WAPL: variants seen among roughly 807,000 people sequenced by gnomAD.
The protein encoded by WAPL is wings apart-like protein homolog.
A neutral mutation model predicts 121.0 loss-of-function variants in WAPL; 5 were observed. The ratio of observed to expected loss-of-function variants is 0.04; its 90% CI spans 0.02 to 0.09. The LOEUF is 0.09. WAPL is among the 10% of genes least tolerant of loss of function. The probability of loss-of-function intolerance (pLI) is 1.00; values close to 1 mark genes in which losing one functional copy is unlikely to be tolerated. For synonymous variants in WAPL, 480 were observed against 481.5 expected (o/e 1.00, Z 0.04); for missense variants, 999 against 1,410.8 (o/e 0.71, Z 4.68).
At chr10:86,468,821 C>A (rs1841462084) in intron 8 of WAPL, among the ~76,000 whole-genome samples, 1 of 151,934 alleles carries the variant, frequency 6.6e-6, no homozygotes. Flanking sequence ...AAAAATTAGG[C>A]CGGGCGCAGT....
intron 4 of WAPL, among the ~76,000 whole-genome samples, chr10:86,496,609 T>C (rs1842155125): frequency 6.6e-6 from 1 of 152,184 alleles, no homozygotes; most frequent in Non-Finnish European, 1.5e-5. Context: ...TGTGTGTATG[T>C]CTCACACACA....
intron 2 of WAPL, among the ~76,000 whole-genome samples, chr10:86,513,093 T>G (rs1842495585): frequency 6.6e-6 from 1 of 152,012 alleles, no homozygotes; most frequent in African/African-American, 2.4e-5. Context: ...GTTGCCCAAG[T>G]TGGAGTGCAG....
In WAPL at chr10:86,497,233, TTTCCTTTGATTTATC is replaced by T; in HGVS notation, c.1597_1611del (p.Asp533_Glu537del). 1 of 1,613,262 alleles carries T rather than the reference TTTCCTTTGATTTATC, an allele frequency of 6.2e-7. No individual in the cohort carries two copies. Among genetic ancestry groups the T allele is most frequent in the Non-Finnish European group, 8.5e-7 (1 of 1,179,774 alleles). On this transcript the variant is annotated inframe_deletion, in exon 4 of 19. Coordinates refer to ENST00000298767, the MANE Select transcript of WAPL (RefSeq NM_015045.5). Reference sequence around the variant, plus strand: ...GGGCCACTAAAAATCTTTCTGGTATTTTCCTTTGATTTATCTCCTTGTTTATTTATGGGCTTCTTC... The same window carrying T: ...GGGCCACTAAAAATCTTTCTGGTATTTCCTTGTTTATTTATGGGCTTCTTC...
intron 14 of WAPL, among the ~76,000 whole-genome samples, chr10:86,452,895 C>A (rs1841024079): frequency 6.6e-6 from 1 of 151,384 alleles, no homozygotes; most frequent in Admixed American, 6.6e-5. Flanking sequence ...CAAAAATTAG[C>A]CAGGCGTGGT....
intron 8 of WAPL, 95 bp downstream of exon 8, chr10:86,470,897 T>G: frequency 1.1e-6 from 1 of 950,270 alleles, no homozygotes; most frequent in Non-Finnish European, 1.5e-6. Flanking sequence ...AATTAGGATA[T>G]ATTTATAGAA....
chr10:86,469,718 G>C (rs1329739608), intron 8 of WAPL, among the ~76,000 whole-genome samples: 1 of 152,064 alleles, frequency 6.6e-6, no homozygotes, highest in Non-Finnish European at 1.5e-5. Flanking sequence ...TTTAAACTTT[G>C]AGCCCCCAGA....
chr10:86,507,060 A>AT (rs1842365959), intron 2 of WAPL, among the ~76,000 whole-genome samples: 1 of 149,492 alleles, frequency 6.7e-6, no homozygotes, highest in Admixed American at 6.6e-5. Flanking sequence ...GTAAGGAAAG[A>AT]TTTAAAAAAA....
Position 86,443,371 on chromosome 10 carries a change from A to G in WAPL, c.3323-8T>C. On this transcript the variant is annotated splice_polypyrimidine_tract_variant and splice_region_variant and intron_variant, in intron 16 of 18. Transcript: ENST00000298767. ...TGCCGGCATGCTGAAGGGCTGAGAGAATTGAAGTAAAGAATTGTAACAGTA... is the reference window on the plus strand; with the variant it reads ...TGCCGGCATGCTGAAGGGCTGAGAGGATTGAAGTAAAGAATTGTAACAGTA... The G allele has an allele frequency of 1.9e-6, 3 of 1,613,372 alleles. No homozygotes were observed. Among genetic ancestry groups the G allele is most frequent in the Non-Finnish European group, 2.5e-6 (3 of 1,179,454 alleles).
At chr10:86,453,380 T>C (rs201859792) in intron 13 of WAPL, 45 bp from the exon 14 acceptor site, 50 of 1,567,834 alleles carry the variant, frequency 3.2e-5, no homozygotes, top group Non-Finnish European at 4.4e-5. Context: ...TGATTCTTCC[T>C]TAGAACACTA....
At chr10:86,520,363 G>A (rs1842650901) in intron 1 of WAPL, among the ~76,000 whole-genome samples, 1 of 152,170 alleles carries the variant, frequency 6.6e-6, no homozygotes, top group Non-Finnish European at 1.5e-5. Context: ...AATACATAGT[G>A]AAATACTGAT....
intron 14 of WAPL, among the ~76,000 whole-genome samples, chr10:86,452,378 G>A (rs1841004043): frequency 6.6e-6 from 1 of 151,736 alleles, no homozygotes; most frequent in Admixed American, 6.6e-5. Context: ...GATCACTTGA[G>A]GCCAGGAGCT....
chr10:86,445,676 C>T (rs554516499), intron 16 of WAPL, among the ~76,000 whole-genome samples: 75 of 152,190 alleles, frequency 4.9e-4, no homozygotes, highest in African/African-American at 1.7e-3. Flanking sequence ...AGGCTTGTGC[C>T]ACCATGCCAG....
chr10:86,453,858 TTATAG>T (rs757870582), intron 12 of WAPL, 27 bp from the exon 13 acceptor site: 1 of 1,469,074 alleles, frequency 6.8e-7, no homozygotes, highest in Admixed American at 2.4e-5. Context: ...ATATAGACTA[TTATAG>T]TAAATAATAA....
chr10:86,436,434 T>C lies in WAPL; in HGVS notation c.*1109A>G, dbSNP rs1037481878. 16 of 151,612 alleles carry C rather than the reference T, an allele frequency of 1.1e-4. No individual in the cohort carries two copies. Among genetic ancestry groups the C allele is most frequent in the African/African-American group, 3.4e-4 (14 of 41,200 alleles). 9.4% of individuals were successfully genotyped at this position (151,612 alleles called of 1,614,324 possible). A position where few individuals can be genotyped will look rare whatever the true frequency, so the allele number is the denominator to read the frequency against. ...GTGGTGTGAATAATACAAGAAAAAT[T>C]TGCAATGTTATGATATTAAATCTAT... On this transcript the variant is annotated 3_prime_UTR_variant, in exon 19 of 19. Coordinates refer to ENST00000298767, the MANE Select transcript of WAPL (RefSeq NM_015045.5).
At chr10:86,502,506 A>C (rs1156926530) in intron 2 of WAPL, among the ~76,000 whole-genome samples, 3 of 152,238 alleles carry the variant, frequency 2.0e-5, no homozygotes, top group African/African-American at 7.2e-5. Context: ...TGAGGATAAA[A>C]ATGAAACAAG....
intron 2 of WAPL, among the ~76,000 whole-genome samples, chr10:86,511,919 C>CA (rs1442503611): frequency 7.2e-6 from 1 of 139,476 alleles, no homozygotes; most frequent in Non-Finnish European, 1.6e-5. Flanking sequence ...ACCCTGTCTC[C>CA]AAAAAATAAA....
At chr10:86,515,215 A>G (rs1404392491) in intron 2 of WAPL, among the ~76,000 whole-genome samples, 1 of 151,120 alleles carries the variant, frequency 6.6e-6, no homozygotes, top group East Asian at 2.0e-4. Flanking sequence ...GAGCCAAGAT[A>G]GCGCCATCGC....
rs902226057 is a variant in WAPL, at chr10:86,452,027, T to C, written c.3054A>G (p.Gly1018=). 6.2e-7 allele frequency: 1 copy of C among 1,614,138 alleles called. No individual in the cohort carries two copies. The highest frequency in any genetic ancestry group is 8.5e-7 in the Non-Finnish European group (1 of 1,180,030). The part of the protein sequence containing the change: ...SCSFDSSICS[G]EGDDSLRIGG... ...CTATCCTTAAACTATCATCCCCTTC[T>C]CCACTACAGATGGAAGAATCAAAAG... Residue 1018 remains glycine (G), a synonymous_variant, in exon 15 of 19, where the codon GGA becomes GGG. Transcript: ENST00000298767.
chr10:86,496,308 C>T (rs530489514), intron 4 of WAPL, among the ~76,000 whole-genome samples: 89 of 152,158 alleles, frequency 5.8e-4, no homozygotes, highest in African/African-American at 2.1e-3. Flanking sequence ...GGTAAGGATA[C>T]GAAGAAACTA....
Sources: gnomAD v4.1 joint callset for allele counts (sites outside exome capture counted in the v4.1 genomes callset) on GRCh38, gnomAD v4.1.1 for gene constraint, MANE v1.5 for transcripts, NCBI Gene and HGNC (gene_info 2026-07-23, HGNC 2026-07-21) for gene names.